Variants in PODXL observed in about 807,000 individuals in gnomAD.
PODXL encodes the protein podocalyxin.
In PODXL, 20 loss-of-function variants were observed where a neutral mutation model predicts 48.9. The observed-to-expected ratio is 0.41, with a 90% confidence interval of 0.29 to 0.59. The LOEUF is 0.59. Ranked by LOEUF, PODXL falls within the 20% of genes least tolerant of loss-of-function variation. The pLI is 0.31. For synonymous variants in PODXL, 295 were observed against 287.4 expected, an observed-to-expected ratio of 1.03 and a Z score of -0.27; for missense variants, 606 against 675.1, an observed-to-expected ratio of 0.90 and a Z score of 1.13.
intron 5 of PODXL, among the ~76,000 whole-genome samples, chr7:131,508,284 A>G (rs1797844592): frequency 6.6e-6 from 1 of 151,932 alleles, no homozygotes; most frequent in Non-Finnish European, 1.5e-5. Context: ...TCTCCCACCC[A>G]TCCCATCAGC....
At chr7:131,504,565 A>G in intron 8 of PODXL, 57 bp from the exon 9 acceptor site, 2 of 1,441,256 alleles carry the variant, frequency 1.4e-6, no homozygotes, top group East Asian at 4.5e-5. Flanking sequence ...TGAGCTTAAT[A>G]CAGCGCATGT....
At chr7:131,509,217 C>T (rs1005185161) in intron 4 of PODXL, 148 bp downstream of exon 4, 7 of 819,096 alleles carry the variant, frequency 8.5e-6, no homozygotes, top group Admixed American at 6.3e-5. Context: ...ACCAGGCTAA[C>T]CAGGGAGAGG....
At chr7:131,540,891 G>C (rs908770012) in intron 1 of PODXL, among the ~76,000 whole-genome samples, 1 of 152,204 alleles carries the variant, frequency 6.6e-6, no homozygotes, top group African/African-American at 2.4e-5. Flanking sequence ...CCTCTGGGAA[G>C]AGAGGGAGAA....
intron 1 of PODXL, among the ~76,000 whole-genome samples, chr7:131,545,833 G>T (rs990904982): frequency 6.6e-6 from 1 of 152,228 alleles, no homozygotes; most frequent in African/African-American, 2.4e-5. Context: ...TTAAAATCTT[G>T]AGGATTACGA....
At chr7:131,519,486 G>C in intron 1 of PODXL, among the ~76,000 whole-genome samples, 1 of 151,272 alleles carries the variant, frequency 6.6e-6, no homozygotes, top group East Asian at 1.9e-4. Context: ...AGGAATGAAA[G>C]AACAACCAAA....
intron 1 of PODXL, among the ~76,000 whole-genome samples, chr7:131,542,724 ACT>A (rs1314666402): frequency 6.6e-6 from 1 of 151,976 alleles, no homozygotes; most frequent in Non-Finnish European, 1.5e-5. Context: ...TCAAGACGTG[ACT>A]CTAGGTAAAA....
intron 1 of PODXL, chr7:131,520,629 T>C (rs1453568491): frequency 6.1e-6 from 1 of 164,092 alleles, no homozygotes; most frequent in Non-Finnish European, 1.3e-5. Flanking sequence ...GATCAAATCA[T>C]TCTGGCCTTA....
intron 8 of PODXL, 28 bp from the exon 9 acceptor site, chr7:131,504,536 AG>A: frequency 6.2e-7 from 1 of 1,600,576 alleles, no homozygotes; most frequent in Non-Finnish European, 8.6e-7. Flanking sequence ...ACCGGTGAGA[AG>A]GGGGTTTCAG....
chr7:131,552,182 C>T (rs1400595468), intron 1 of PODXL, among the ~76,000 whole-genome samples: 1 of 152,156 alleles, frequency 6.6e-6, no homozygotes, highest in African/African-American at 2.4e-5. Flanking sequence ...TCCAGAGTAT[C>T]CCAAGCGACC....
At chr7:131,517,728 A>G (rs74954963) in intron 1 of PODXL, among the ~76,000 whole-genome samples, 10,508 of 146,954 alleles carry the variant, frequency 0.072, 377 homozygotes, top group Middle Eastern at 0.12. Context: ...TCAACACAAG[A>G]CCTTCCTCCT....
intron 1 of PODXL, among the ~76,000 whole-genome samples, chr7:131,534,047 G>GGCACTCCACTCTCCCGCCCTGCAC (rs146402981): frequency 6.6e-6 from 1 of 152,050 alleles, no homozygotes; most frequent in Non-Finnish European, 1.5e-5. Flanking sequence ...GGGAAGGAAA[G>GGCACTCCACTCTCCCGCCCTGCAC]GCACCCCACC....
intron 1 of PODXL, among the ~76,000 whole-genome samples, chr7:131,513,467 T>G (rs1032170286): frequency 1.3e-5 from 2 of 152,196 alleles, no homozygotes; most frequent in African/African-American, 4.8e-5. Flanking sequence ...CCCATACCAT[T>G]TCTCTATATT....
intron 1 of PODXL, among the ~76,000 whole-genome samples, chr7:131,531,252 A>T (rs1450269136): frequency 2.0e-5 from 3 of 152,032 alleles, no homozygotes; most frequent in Non-Finnish European, 4.4e-5. Context: ...TTAATGCTAT[A>T]TCCAGCCGCT....
Position 131,507,669 on chromosome 7 carries a change from G to GA in PODXL, c.1102-944dup, listed in dbSNP as rs71174953. ...TTCCATCTTCCTTTTCTAGCAAAGG[G>GA]AAAAAAAAAAAAAGTGTCTCACAAC... On this transcript the variant is annotated intron_variant, in intron 5 of 8. Transcript: ENST00000378555. Among the ~76,000 whole-genome samples, 752 of 133,158 alleles carry GA rather than the reference G, an allele frequency of 5.6e-3. 6 individuals are homozygous for GA. Among genetic ancestry groups the GA allele is most frequent in the African/African-American group, 0.018 (679 of 37,150 alleles). 87.4% of individuals were successfully genotyped at this position (133,158 alleles called of 152,430 possible). A position where few individuals can be genotyped will look rare whatever the true frequency, so the allele number is the denominator to read the frequency against.
Position 131,507,666 on chromosome 7 carries a change from AG to A in PODXL, c.1102-941del, listed in dbSNP as rs141763647. 1.4e-3 allele frequency among the ~76,000 whole-genome samples: 206 copies of A among 145,108 alleles called. 2 individuals carry two copies. Among genetic ancestry groups the A allele is most frequent in the East Asian group, 0.013 (63 of 5,034 alleles). ...GTTTTCCATCTTCCTTTTCTAGCAA[AG>A]GGAAAAAAAAAAAAAGTGTCTCACA... On this transcript the variant is annotated intron_variant, in intron 5 of 8. Transcript: ENST00000378555.
At chr7:131,552,276 G>A (rs947989455) in intron 1 of PODXL, among the ~76,000 whole-genome samples, 1 of 152,238 alleles carries the variant, frequency 6.6e-6, no homozygotes, top group African/African-American at 2.4e-5. Flanking sequence ...GCATGGTGGA[G>A]GAGACACACA....
intron 1 of PODXL, among the ~76,000 whole-genome samples, chr7:131,518,214 TGCC>T: frequency 6.6e-6 from 1 of 152,300 alleles, no homozygotes; most frequent in East Asian, 1.9e-4. Flanking sequence ...GCGGGGGGAA[TGCC>T]ATTCGCTCTC....
In PODXL at chr7:131,510,318, A is replaced by T. The variant is rs1181594863; in HGVS notation, c.720T>A (p.Phe240Leu). 3.6e-6 allele frequency: 1 copy of T among 280,252 alleles called. No homozygotes were observed. The highest frequency in any genetic ancestry group is 2.8e-5 in the African/African-American group (1 of 35,692). 17.4% of individuals were successfully genotyped at this position (280,252 alleles called of 1,614,324 possible). A position where few individuals can be genotyped will look rare whatever the true frequency, so the allele number is the denominator to read the frequency against. ...CAAGACCAGCCTGGCTGACATGGTG[A>T]AACACTGTCTCTACTTGAAAAAAAA... is the stretch of plus-strand genomic sequence containing the variant. ...GMTTTLLETV[F>L]HHVSQAGLEL... Residue 240 changes from phenylalanine to leucine, a missense_variant, in exon 3 of 9, where the codon TTT (phenylalanine) becomes TTA (leucine). Phe to Leu is a conservative substitution (Grantham distance 22, BLOSUM62 0). Coordinates refer to ENST00000378555, the MANE Select transcript of PODXL (RefSeq NM_001018111.3).
chr7:131,519,368 G>T (rs542308226), intron 1 of PODXL, among the ~76,000 whole-genome samples: 3 of 151,990 alleles, frequency 2.0e-5, no homozygotes, highest in Non-Finnish European at 2.9e-5. Flanking sequence ...TGTGAGCCGC[G>T]CTCCAATTTC....
Sources: gnomAD v4.1 joint callset for allele counts (sites outside exome capture counted in the v4.1 genomes callset) on GRCh38, gnomAD v4.1.1 for gene constraint, MANE v1.5 for transcripts, NCBI Gene and HGNC (gene_info 2026-07-23, HGNC 2026-07-21) for gene names.